Variants in RNF214 observed in about 807,000 individuals in gnomAD.
RNF214 encodes the protein ring finger protein 214.
A neutral mutation model predicts 75.9 loss-of-function variants in RNF214; 25 were observed. The ratio of observed to expected loss-of-function variants is 0.33; its 90% CI spans 0.24 to 0.46. The LOEUF (loss-of-function observed/expected upper bound fraction) is 0.46, where lower values mean the gene tolerates loss of function less well. RNF214 is among the 20% of genes least tolerant of loss of function. RNF214 has a pLI of 1.00. For missense variants in RNF214, 725 were observed against 857.5 expected, an observed-to-expected ratio of 0.85 and a Z score of 1.93; for synonymous variants, 314 against 308.8, an observed-to-expected ratio of 1.02 and a Z score of -0.18.
chr11:117,271,804 T>G (rs186987882), intron 6 of RNF214, among the ~76,000 whole-genome samples: 4 of 152,084 alleles, frequency 2.6e-5, no homozygotes, highest in African/African-American at 9.7e-5. Flanking sequence ...GAACAAAGTT[T>G]GAGGTGTTTT....
intron 6 of RNF214, among the ~76,000 whole-genome samples, chr11:117,277,299 C>T (rs537343956): frequency 4.9e-4 from 75 of 151,934 alleles, no homozygotes; most frequent in Non-Finnish European, 7.8e-4. Flanking sequence ...GCCGAGATCC[C>T]GCCTGTGTAC....
At chr11:117,258,262 T>C (rs2033572364) in intron 6 of RNF214, among the ~76,000 whole-genome samples, 1 of 152,040 alleles carries the variant, frequency 6.6e-6, no homozygotes, top group African/African-American at 2.4e-5. Context: ...AGAAATGGGG[T>C]TTCACCATGT....
At chr11:117,239,462 A>G (rs2033009501) in intron 3 of RNF214, 1 of 449,692 alleles carries the variant, frequency 2.2e-6, no homozygotes, top group Non-Finnish European at 4.0e-6. Flanking sequence ...TCACATCTTA[A>G]GAAGTACAGT....
At chr11:117,268,525 A>G (rs964664040) in intron 6 of RNF214, among the ~76,000 whole-genome samples, 3 of 152,226 alleles carry the variant, frequency 2.0e-5, no homozygotes, top group Non-Finnish European at 2.9e-5. Context: ...ATTTTCCCTT[A>G]TACCACATAA....
chr11:117,281,847 T>C lies in RNF214; in HGVS notation c.1336-47T>C, dbSNP rs141677706. On this transcript the variant is annotated intron_variant, in intron 10 of 14. Coordinates refer to ENST00000300650, the MANE Select transcript of RNF214 (RefSeq NM_207343.4). ...ATGTCTTCTCCAGTTTCCTAAACTT[T>C]CTTTTTCTTCCTTTCTCTCTCGTCC... 5,816 of 1,590,270 alleles carry C rather than the reference T, an allele frequency of 3.7e-3. 144 individuals are homozygous for C. The South Asian group carries it at 0.046, about 13-fold the overall frequency.
At chr11:117,271,524 A>G (rs1311529470) in intron 6 of RNF214, among the ~76,000 whole-genome samples, 1 of 152,198 alleles carries the variant, frequency 6.6e-6, no homozygotes, top group Admixed American at 6.5e-5. Flanking sequence ...TGTTTTGTCC[A>G]GTTGTTTAGT....
At chr11:117,269,178 A>C (rs564278807) in intron 6 of RNF214, among the ~76,000 whole-genome samples, 11 of 152,174 alleles carry the variant, frequency 7.2e-5, no homozygotes, top group African/African-American at 2.6e-4. Context: ...CTGAGGGAGG[A>C]GGATTGCTTG....
At chr11:117,240,652 C>G (rs187929675) in intron 4 of RNF214, among the ~76,000 whole-genome samples, 5 of 152,108 alleles carry the variant, frequency 3.3e-5, no homozygotes, top group African/African-American at 1.2e-4. Context: ...TGCACCACTG[C>G]ACCCCAGCCT....
intron 2 of RNF214, among the ~76,000 whole-genome samples, chr11:117,235,716 G>A (rs2032888885): frequency 6.6e-6 from 1 of 152,066 alleles, no homozygotes; most frequent in Non-Finnish European, 1.5e-5. Context: ...ACGTTGGCCA[G>A]ACTGGGTATT....
intron 6 of RNF214, among the ~76,000 whole-genome samples, chr11:117,257,713 A>G (rs1245072220): frequency 6.6e-6 from 1 of 152,202 alleles, no homozygotes; most frequent in East Asian, 1.9e-4. Flanking sequence ...CAAAAAGAAT[A>G]ATGAGAGAAA....
At chr11:117,247,069 A>G (rs2033244301) in intron 6 of RNF214, 121 bp downstream of exon 6, 1 of 791,810 alleles carries the variant, frequency 1.3e-6, no homozygotes, top group Admixed American at 2.9e-5. Flanking sequence ...CAAGTGTACA[A>G]GTAAAAACTC....
At chr11:117,255,680 C>G (rs747457371) in intron 6 of RNF214, among the ~76,000 whole-genome samples, 2 of 151,706 alleles carry the variant, frequency 1.3e-5, no homozygotes, top group Non-Finnish European at 2.9e-5. Context: ...ATTAATTATT[C>G]TTTCTCTCTG....
chr11:117,263,786 A>G, intron 6 of RNF214: 1 of 190,122 alleles, frequency 5.3e-6, no homozygotes, highest in Non-Finnish European at 1.1e-5. Context: ...TATGTAGGTA[A>G]AAATCTCTGT....
At chr11:117,273,191 A>C (rs2033946554) in intron 6 of RNF214, among the ~76,000 whole-genome samples, 1 of 152,148 alleles carries the variant, frequency 6.6e-6, no homozygotes, top group African/African-American at 2.4e-5. Context: ...GATGATATGC[A>C]GATAAGTAGT....
chr11:117,255,966 G>A (rs1334061211), intron 6 of RNF214, among the ~76,000 whole-genome samples: 1 of 152,138 alleles, frequency 6.6e-6, no homozygotes, highest in Non-Finnish European at 1.5e-5. Flanking sequence ...TAGTATAAGA[G>A]GCCTTCAGTT....
chr11:117,271,968 G>A (rs1004105624), intron 6 of RNF214, among the ~76,000 whole-genome samples: 15 of 152,174 alleles, frequency 9.9e-5, no homozygotes, highest in African/African-American at 2.4e-4. Context: ...GCACACCACC[G>A]TGCCCAGTTA....
chr11:117,247,838 C>T (rs375963900), intron 6 of RNF214, among the ~76,000 whole-genome samples: 54 of 135,400 alleles, frequency 4.0e-4, no homozygotes, highest in African/African-American at 1.3e-3. Context: ...AGCCTGGCAA[C>T]AGAGTGAGAC....
chr11:117,252,616 A>G (rs183566632), intron 6 of RNF214, among the ~76,000 whole-genome samples: 2 of 151,410 alleles, frequency 1.3e-5, no homozygotes, highest in East Asian at 1.9e-4. Flanking sequence ...CACCTCCCGG[A>G]TTCAAGCGAT....
In RNF214 at chr11:117,270,866, C is replaced by T. The variant is rs534312044; in HGVS notation, c.960-9042C>T. Among the ~76,000 whole-genome samples, 5 of 152,248 alleles carry T rather than the reference C, an allele frequency of 3.3e-5. No homozygotes were observed. The East Asian group carries it at 9.7e-4, about 30-fold the overall frequency. ...TGTGCCTCACAAAGTGTTGGGATTA[C>T]AGGTGTGAGCCACCACATCTTGCCT... On this transcript the variant is annotated intron_variant, in intron 6 of 14. Coordinates refer to ENST00000300650, the MANE Select transcript of RNF214 (RefSeq NM_207343.4).
Sources: gnomAD v4.1 joint callset for allele counts (sites outside exome capture counted in the v4.1 genomes callset) on GRCh38, gnomAD v4.1.1 for gene constraint, MANE v1.5 for transcripts, NCBI Gene and HGNC (gene_info 2026-07-23, HGNC 2026-07-21) for gene names.